The following TEX9 variants were observed in gnomAD, a reference collection of about 807,000 sequenced individuals.
The protein encoded by TEX9 is testis expressed 9.
Under a neutral mutation model 59.6 loss-of-function variants are expected in TEX9, and 74 were observed. That is an observed-to-expected ratio of 1.24 (90% CI 1.03 to 1.51). TEX9 has a LOEUF of 1.51. Among genes scored for constraint, TEX9 ranks in the 40% most tolerant of loss-of-function variants. TEX9 has a pLI of 0.00. For missense variants in TEX9, 522 were observed against 447.8 expected (o/e 1.17, Z -1.49); for synonymous variants, 186 against 152.2 (o/e 1.22, Z -1.64).
At chr15:56,444,800 G>A in intron 12 of TEX9, 1 of 839,112 alleles carries the variant, frequency 1.2e-6, no homozygotes, top group South Asian at 1.8e-5. Context: ...ATCTGTCTAG[G>A]TTAAAAAGCA....
chr15:56,348,198 A>C (rs1174821747), intron 1 of TEX9, among the ~76,000 whole-genome samples: 1 of 152,102 alleles, frequency 6.6e-6, no homozygotes, highest in Admixed American at 6.6e-5. Context: ...AAATTATCTT[A>C]AAATTTTAAG....
At chr15:56,273,219 C>G (rs183689317) in intron 1 of TEX9, among the ~76,000 whole-genome samples, 2 of 152,214 alleles carry the variant, frequency 1.3e-5, no homozygotes, top group Non-Finnish European at 2.9e-5. Context: ...TCCAAAAGTA[C>G]TGGGATTGCA....
At position 56,384,032 on chromosome 15, in the gene TEX9, G is replaced by C. The variant is rs139727871; in HGVS notation, c.263+1G>C. ...ATGACGAAGATGATTACAGTTTAAG[G>C]TAAGTATCTTAAATTCTCAAGCACC... On this transcript the variant is annotated splice_donor_variant, in intron 4 of 12. Transcript: ENST00000352903. LOFTEE classifies it high-confidence loss of function. 8.1e-6 allele frequency: 13 copies of C among 1,609,284 alleles called. No homozygotes were observed. Among genetic ancestry groups the C allele is most frequent in the Middle Eastern group, 3.3e-4 (2 of 6,034 alleles).
At chr15:56,443,900 T>C in intron 12 of TEX9, 1 of 1,344,428 alleles carries the variant, frequency 7.4e-7, no homozygotes, top group Non-Finnish European at 1.0e-6. Flanking sequence ...CAATAAAATA[T>C]AAAAAAGTAA....
Position 56,297,257 on chromosome 15 carries a change from G to A in TEX9, c.-107+52979G>A, listed in dbSNP as rs181331372. 2.0e-5 allele frequency among the ~76,000 whole-genome samples: 3 copies of A among 152,144 alleles called. No homozygotes were observed. The East Asian group carries it at 5.8e-4, about 29-fold the overall frequency. On this transcript the variant is annotated intron_variant, in intron 1 of 5. Transcript: ENST00000560827. Reference sequence around the variant, plus strand: ...GGAAATGAAATAATAAGCTAATGAAGTAAAAACTAATATCTTAAAAAATAG... The same window carrying A: ...GGAAATGAAATAATAAGCTAATGAAATAAAAACTAATATCTTAAAAAATAG...
chr15:56,431,227 G>A (rs1452126839), intron 12 of TEX9: 1 of 801,630 alleles, frequency 1.2e-6, no homozygotes, highest in East Asian at 2.6e-5. Context: ...GCCCAGAGAG[G>A]TTCAGTGCCT....
chr15:56,350,416 G>T (rs1442276951), intron 1 of TEX9, among the ~76,000 whole-genome samples: 1 of 152,156 alleles, frequency 6.6e-6, no homozygotes, highest in Non-Finnish European at 1.5e-5. Context: ...ACAGCAATGG[G>T]AAAGGCATTT....
At chr15:56,420,339 GCT>G (rs2049919464) in intron 10 of TEX9, among the ~76,000 whole-genome samples, 1 of 148,610 alleles carries the variant, frequency 6.7e-6, no homozygotes, top group Non-Finnish European at 1.5e-5. Context: ...ACAGAGTCTT[GCT>G]CTGTTGCCCA....
chr15:56,253,702 A>T (rs919583035), intron 1 of TEX9, among the ~76,000 whole-genome samples: 1 of 152,158 alleles, frequency 6.6e-6, no homozygotes, highest in Non-Finnish European at 1.5e-5. Flanking sequence ...GTAGAATTCC[A>T]TAACAGGATG....
At chr15:56,336,191 T>C (rs2046253378) in intron 1 of TEX9, among the ~76,000 whole-genome samples, 1 of 152,146 alleles carries the variant, frequency 6.6e-6, no homozygotes, top group Non-Finnish European at 1.5e-5. Flanking sequence ...GTGGGTGTGA[T>C]TGTCTTAGGT....
chr15:56,412,984 C>T (rs961892680), intron 10 of TEX9, among the ~76,000 whole-genome samples: 53 of 151,944 alleles, frequency 3.5e-4, no homozygotes, highest in African/African-American at 1.2e-3. Flanking sequence ...TAAGGATCAC[C>T]GTAACTCCAG....
intron 10 of TEX9, among the ~76,000 whole-genome samples, chr15:56,419,253 T>C (rs1483261122): frequency 2.6e-5 from 4 of 151,898 alleles, no homozygotes; most frequent in African/African-American, 9.7e-5. Context: ...ATCCTCAACT[T>C]TGCTGAACTC....
chr15:56,402,053 A>G (rs1249397304), intron 9 of TEX9, among the ~76,000 whole-genome samples: 2 of 152,200 alleles, frequency 1.3e-5, no homozygotes, highest in East Asian at 1.9e-4. Flanking sequence ...TTGACACCCT[A>G]ACATCACAAT....
chr15:56,254,916 G>A (rs2044109200), intron 1 of TEX9, among the ~76,000 whole-genome samples: 1 of 151,850 alleles, frequency 6.6e-6, no homozygotes, highest in Non-Finnish European at 1.5e-5. Context: ...CAGGACATAT[G>A]TATCACCAAT....
At chr15:56,446,321 C>T (rs1487215068), downstream of TEX9, among the ~76,000 whole-genome samples, 1 of 151,924 alleles carries the variant, frequency 6.6e-6, no homozygotes, top group Non-Finnish European at 1.5e-5. Context: ...CAAAGCACTC[C>T]TAGTGAGTAT....
chr15:56,295,468 A>T (rs1336906668), intron 1 of TEX9, among the ~76,000 whole-genome samples: 1 of 152,202 alleles, frequency 6.6e-6, no homozygotes, highest in Non-Finnish European at 1.5e-5. Flanking sequence ...TGGGTGTTCC[A>T]TCCTTTCTGC....
intron 9 of TEX9, among the ~76,000 whole-genome samples, chr15:56,398,796 A>C (rs1413796943): frequency 6.6e-6 from 1 of 151,940 alleles, no homozygotes. Flanking sequence ...TATGGGGATA[A>C]TTTTTTGAGT....
chr15:56,300,463 A>ATGGCTGGATTTGCCTTCTAGACAGAAGCC (rs1261217475), intron 1 of TEX9, among the ~76,000 whole-genome samples: 3 of 151,972 alleles, frequency 2.0e-5, no homozygotes, highest in Non-Finnish European at 4.4e-5. Flanking sequence ...GTTCCCATGC[A>ATGGCTGGATTTGCCTTCTAGACAGAAGCC]TGGCTGGATT....
At chr15:56,319,788 A>C (rs1265994512) in intron 1 of TEX9, among the ~76,000 whole-genome samples, 1 of 152,192 alleles carries the variant, frequency 6.6e-6, no homozygotes, top group Non-Finnish European at 1.5e-5. Context: ...GGCCAAGAAA[A>C]TATTGTGAAT....
Sources: allele counts gnomAD v4.1 joint callset (sites outside exome capture counted in the v4.1 genomes callset), GRCh38; gene constraint gnomAD v4.1.1; transcripts MANE v1.5; gene names NCBI Gene and HGNC (gene_info 2026-07-23, HGNC 2026-07-21).